Variants in MINDY2 observed in about 807,000 individuals in gnomAD.
MINDY2 encodes the protein MINDY lysine 48 deubiquitinase 2.
Under a neutral mutation model 68.2 loss-of-function variants are expected in MINDY2, and 52 were observed. The observed-to-expected ratio is 0.76, with a 90% CI of 0.61 to 0.96. MINDY2 has a LOEUF of 0.96. MINDY2 is among the 40% of genes least tolerant of loss of function. The pLI, the probability that MINDY2 is intolerant of heterozygous loss-of-function variation, is 0.00. For synonymous variants in MINDY2, 372 were observed against 303.0 expected (o/e 1.23, Z -2.36); for missense variants, 881 against 773.4 (o/e 1.14, Z -1.65).
At chr15:58,809,387 G>A (rs1300049205) in intron 3 of MINDY2, among the ~76,000 whole-genome samples, 1 of 151,600 alleles carries the variant, frequency 6.6e-6, no homozygotes, top group Non-Finnish European at 1.5e-5. Context: ...TCATCTGGTT[G>A]TAGCATCTGA....
intron 5 of MINDY2, among the ~76,000 whole-genome samples, chr15:58,823,928 G>T (rs547856367): frequency 1.3e-5 from 2 of 152,240 alleles, no homozygotes; most frequent in African/African-American, 4.8e-5. Flanking sequence ...TTACTAAAAA[G>T]AAGCTCCTAT....
intron 4 of MINDY2, among the ~76,000 whole-genome samples, chr15:58,820,461 G>A (rs1400808723): frequency 6.7e-6 from 1 of 149,814 alleles, no homozygotes; most frequent in Non-Finnish European, 1.5e-5. Context: ...AAAAAAAAAA[G>A]TTTAAGATAT....
chr15:58,840,207 C>G (rs547940393), intron 6 of MINDY2, among the ~76,000 whole-genome samples: 6 of 152,138 alleles, frequency 3.9e-5, no homozygotes, highest in Non-Finnish European at 7.4e-5. Flanking sequence ...TCAAACTGAT[C>G]CATTTTTTGT....
chr15:58,785,833 C>G (rs2140913827), intron 1 of MINDY2, among the ~76,000 whole-genome samples: 1 of 152,230 alleles, frequency 6.6e-6, no homozygotes, highest in East Asian at 1.9e-4. Context: ...TGCGCCACCA[C>G]ACCTGGCTAA....
chr15:58,833,664 C>T lies in MINDY2; in HGVS notation c.1368+1748C>T, dbSNP rs533799030. ...TGTTGATGTGCATATACATAAACAT[C>T]GCAATGCCTTAAGGAGCAGTATTGC... On this transcript the variant is annotated intron_variant, in intron 6 of 8. Coordinates refer to ENST00000559228, the MANE Select transcript of MINDY2 (RefSeq NM_001040450.3). Among the ~76,000 whole-genome samples the T allele has an allele frequency of 3.9e-5, 6 of 152,222 alleles. No individual in the cohort carries two copies. In the South Asian group the frequency reaches 1.0e-3, roughly 26 times the overall value.
intron 1 of MINDY2, among the ~76,000 whole-genome samples, chr15:58,780,046 CTCTTT>C (rs1901033204): frequency 6.6e-6 from 1 of 152,130 alleles, no homozygotes; most frequent in Admixed American, 6.6e-5. Context: ...TATGTGTTTT[CTCTTT>C]TAAGTTTCTC....
chr15:58,820,153 C>G (rs2030967957), intron 4 of MINDY2, among the ~76,000 whole-genome samples: 1 of 152,094 alleles, frequency 6.6e-6, no homozygotes, highest in African/African-American at 2.4e-5. Context: ...GTAGTCTCAG[C>G]TACTAGGGAG....
chr15:58,835,165 G>A (rs1353272941), intron 6 of MINDY2, among the ~76,000 whole-genome samples: 1 of 152,128 alleles, frequency 6.6e-6, no homozygotes, highest in African/African-American at 2.4e-5. Flanking sequence ...TAAGGACCTC[G>A]TAGTTTGACA....
intron 2 of MINDY2, among the ~76,000 whole-genome samples, chr15:58,798,366 C>G (rs1336561497): frequency 6.6e-6 from 1 of 151,216 alleles, no homozygotes; most frequent in African/African-American, 2.4e-5. Flanking sequence ...ACCTCGTGAT[C>G]CACCCACCTT....
chr15:58,829,792 T>A, intron 5 of MINDY2, among the ~76,000 whole-genome samples: 1 of 152,224 alleles, frequency 6.6e-6, no homozygotes, highest in Admixed American at 6.5e-5. Flanking sequence ...ACAAAGTCCT[T>A]GCAATAGTGT....
intron 3 of MINDY2, among the ~76,000 whole-genome samples, chr15:58,803,529 A>C (rs1902814091): frequency 6.9e-6 from 1 of 145,106 alleles, no homozygotes; most frequent in Non-Finnish European, 1.5e-5. Context: ...TAAGATAGGA[A>C]ATCTAGGCCA....
intron 8 of MINDY2, among the ~76,000 whole-genome samples, chr15:58,852,389 C>T (rs1595787758): frequency 6.6e-6 from 1 of 150,656 alleles, no homozygotes; most frequent in East Asian, 2.0e-4. Context: ...AGGATTTTAG[C>T]ACCTATGGGT....
At chr15:58,833,912 C>T (rs1477735125) in intron 6 of MINDY2, among the ~76,000 whole-genome samples, 2 of 152,116 alleles carry the variant, frequency 1.3e-5, no homozygotes, top group African/African-American at 4.8e-5. Context: ...TCAGGTCTTT[C>T]CCTTCCCACG....
rs1025881615 is a variant in MINDY2, at chr15:58,771,315, A to G, written c.-81A>G. On this transcript the variant is annotated 5_prime_UTR_variant, in exon 1 of 9. Transcript: ENST00000559228. Reference sequence around the variant, plus strand: ...CCGCGCCAGGGCGCTGTTGCTGCCAATACAGCTGTCATGGCGTCCAAGGCG... The same window carrying G: ...CCGCGCCAGGGCGCTGTTGCTGCCAGTACAGCTGTCATGGCGTCCAAGGCG... 3.5e-5 allele frequency: 54 copies of G among 1,531,082 alleles called. No individual in the cohort carries two copies. Among genetic ancestry groups the G allele is most frequent in the Admixed American group, 2.0e-5 (1 of 49,450 alleles). The allele number at this position is 1,531,082 out of a possible 1,614,324, so 94.8% of individuals were successfully genotyped here.
chr15:58,772,706 G>A (rs1326480302), intron 1 of MINDY2, among the ~76,000 whole-genome samples: 1 of 152,190 alleles, frequency 6.6e-6, no homozygotes, highest in Non-Finnish European at 1.5e-5. Flanking sequence ...AGATACTTAA[G>A]AGAATGGTGA....
chr15:58,831,139 C>T (rs575427876), intron 5 of MINDY2, among the ~76,000 whole-genome samples: 1 of 151,308 alleles, frequency 6.6e-6, no homozygotes, highest in East Asian at 1.9e-4. Flanking sequence ...TATTTCCGAA[C>T]TTGATACATC....
At chr15:58,844,424 C>T (rs1015965396) in intron 6 of MINDY2, among the ~76,000 whole-genome samples, 43 of 151,864 alleles carry the variant, frequency 2.8e-4, no homozygotes, top group Admixed American at 2.0e-3. Flanking sequence ...TGGTGGCGGG[C>T]GCCTGTAGTC....
At chr15:58,774,931 T>C (rs1424965600) in intron 1 of MINDY2, among the ~76,000 whole-genome samples, 1 of 152,158 alleles carries the variant, frequency 6.6e-6, no homozygotes, top group African/African-American at 2.4e-5. Context: ...TGTAAATCTG[T>C]GGTTATCAGT....
intron 5 of MINDY2, among the ~76,000 whole-genome samples, chr15:58,823,838 A>G (rs1348018253): frequency 6.6e-6 from 1 of 152,248 alleles, no homozygotes; most frequent in Non-Finnish European, 1.5e-5. Context: ...TTCCTTCTCA[A>G]TGAGCTAGAA....
Sources: allele counts gnomAD v4.1 joint callset (sites outside exome capture counted in the v4.1 genomes callset), GRCh38; gene constraint gnomAD v4.1.1; transcripts MANE v1.5; gene names NCBI Gene and HGNC (gene_info 2026-07-23, HGNC 2026-07-21).